ATAD2: variants seen among roughly 807,000 people sequenced by gnomAD.
The protein encoded by ATAD2 is ATPase family AAA domain containing 2, also known as ATPase family AAA domain-containing protein 2.
A neutral mutation model predicts 168.9 loss-of-function variants in ATAD2; 62 were observed. The ratio of observed to expected loss-of-function variants is 0.37; its 90% CI spans 0.30 to 0.45. The LOEUF is 0.45. Ranked by LOEUF, ATAD2 falls within the 20% of genes least tolerant of loss-of-function variation. The probability of loss-of-function intolerance (pLI) is 1.00; values close to 1 mark genes in which losing one functional copy is unlikely to be tolerated. For synonymous variants in ATAD2, 613 were observed against 571.6 expected, an observed-to-expected ratio of 1.07 and a Z score of -1.03; for missense variants, 1,419 against 1,667.8, an observed-to-expected ratio of 0.85 and a Z score of 2.60.
intron 1 of ATAD2, among the ~76,000 whole-genome samples, chr8:123,409,153 C>G (rs75668541): frequency 7.9e-5 from 12 of 152,074 alleles, no homozygotes; most frequent in Non-Finnish European, 1.8e-4. Flanking sequence ...GGTTTTCAGG[C>G]CTTACCTCTC....
intron 24 of ATAD2, 77 bp downstream of exon 24, chr8:123,333,801 A>C: frequency 7.0e-7 from 1 of 1,428,038 alleles, no homozygotes. Context: ...AAATAAAGGA[A>C]AATAAGGGAG....
chr8:123,398,780 A>G (rs1812960219), upstream of ATAD2, among the ~76,000 whole-genome samples: 1 of 152,218 alleles, frequency 6.6e-6, no homozygotes, highest in South Asian at 2.1e-4. Flanking sequence ...CTGGGATTAC[A>G]GGTGTGAGCC....
At chr8:123,336,113 A>G (rs1827906262) in intron 22 of ATAD2, among the ~76,000 whole-genome samples, 1 of 152,176 alleles carries the variant, frequency 6.6e-6, no homozygotes, top group Non-Finnish European at 1.5e-5. Context: ...AGGATCTATC[A>G]TGTAATTGTT....
At chr8:123,344,656 A>G in intron 19 of ATAD2, 2 of 475,574 alleles carry the variant, frequency 4.2e-6, no homozygotes, top group Admixed American at 3.4e-5. Context: ...ATATAATACC[A>G]TTTTTCAAGA....
intron 27 of ATAD2, 110 bp from the exon 28 acceptor site, chr8:123,321,285 T>C: frequency 1.1e-6 from 1 of 919,746 alleles, no homozygotes. Flanking sequence ...TATTCAGGTA[T>C]ATATTTGATA....
rs539503850 is a variant in ATAD2, at chr8:123,353,697, T to G, written c.1646+2692A>C. 2.0e-5 allele frequency among the ~76,000 whole-genome samples: 3 copies of G among 152,310 alleles called. No homozygotes were observed. The South Asian group carries it at 6.2e-4, about 32-fold the overall frequency. On this transcript the variant is annotated intron_variant, in intron 13 of 27. Transcript: ENST00000287394. ...TAGAGACCACACTCAGGGATGGACA[T>G]TAATTGCTACTGGATTGTGATTGCT...
chr8:123,343,117 T>G, intron 19 of ATAD2, among the ~76,000 whole-genome samples: 1 of 151,962 alleles, frequency 6.6e-6, no homozygotes, highest in East Asian at 1.9e-4. Context: ...CCCGAGTAAC[T>G]GGGATTACGG....
intron 1 of ATAD2, among the ~76,000 whole-genome samples, chr8:123,387,978 T>G (rs1326008659): frequency 1.3e-5 from 2 of 152,190 alleles, no homozygotes; most frequent in East Asian, 1.9e-4. Context: ...CAACAGTATA[T>G]TCTAATACAT....
intron 2 of ATAD2, among the ~76,000 whole-genome samples, chr8:123,378,772 T>C (rs1829402857): frequency 6.7e-6 from 1 of 149,710 alleles, no homozygotes; most frequent in African/African-American, 2.5e-5. Flanking sequence ...TCTAAGTCAT[T>C]ACAAATTGTT....
chr8:123,345,956 A>G, intron 18 of ATAD2, 130 bp downstream of exon 18: 2 of 670,626 alleles, frequency 3.0e-6, no homozygotes, highest in Non-Finnish European at 4.6e-6. Context: ...GCAATCATGC[A>G]TAACTCTGTT....
intron 8 of ATAD2, among the ~76,000 whole-genome samples, chr8:123,364,890 A>G (rs1828925989): frequency 6.6e-6 from 1 of 152,140 alleles, no homozygotes; most frequent in South Asian, 2.1e-4. Context: ...CACTCTCACC[A>G]CTTCTATTCA....
Position 123,346,175 on chromosome 8 carries a change from G to A in ATAD2, c.2443C>T (p.His815Tyr). 6.2e-7 allele frequency: 1 copy of A among 1,613,258 alleles called. No individual in the cohort carries two copies. Among genetic ancestry groups the A allele is most frequent in the Non-Finnish European group, 8.5e-7 (1 of 1,179,536 alleles). ...TATACAGTAAACTTTTCCAAAGCATGAATGACAGCTGGTGCCAAGTGAGAA... is the reference window on the plus strand; with the variant it reads ...TATACAGTAAACTTTTCCAAAGCATAAATGACAGCTGGTGCCAAGTGAGAA... ...QGSHLAPAVI[H>Y]ALEKFTVYTL... is the part of the protein sequence containing the mutation. The change falls in exon 18 of 28, where the codon CAT becomes TAT. Residue 815 changes from histidine to tyrosine, a missense_variant. His to Tyr is a moderately conservative substitution (Grantham distance 83, BLOSUM62 2). Transcript: ENST00000287394.
At chr8:123,352,224 G>C (rs1479772319) in intron 13 of ATAD2, 3 of 152,886 alleles carry the variant, frequency 2.0e-5, no homozygotes, top group Non-Finnish European at 4.4e-5. Flanking sequence ...CCCCCGGCAA[G>C]TGGGTCTGGC....
chr8:123,371,825 A>G lies in ATAD2; in HGVS notation c.381T>C (p.Ile127=), dbSNP rs142405170. ...KKEEHREDKV[I]PVTRSLRARN... ...TAGCCCTCAATGACCGAGTAACTGG[A>G]ATCACTTTGTCTTCACAAATGCATA... Residue 127 remains isoleucine (I), a synonymous_variant, in exon 4 of 28, where the codon ATT becomes ATC. Transcript: ENST00000287394. The G allele has an allele frequency of 5.6e-6, 9 of 1,598,824 alleles. No homozygotes were observed. The African/African-American group carries it at 1.2e-4, about 22-fold the overall frequency.
At chr8:123,337,081 G>T (rs564788519) in intron 21 of ATAD2, among the ~76,000 whole-genome samples, 4 of 151,532 alleles carry the variant, frequency 2.6e-5, no homozygotes, top group Non-Finnish European at 5.9e-5. Context: ...AAAAAGGGGG[G>T]GCCGAGCATG....
chr8:123,337,510 CA>C, intron 21 of ATAD2, 114 bp downstream of exon 21: 2 of 993,242 alleles, frequency 2.0e-6, no homozygotes, highest in Non-Finnish European at 2.8e-6. Context: ...TACATGTTTC[CA>C]AATAGATAAA....
chr8:123,413,179 A>G lies in ATAD2; in HGVS notation c.-2282+3069T>C, dbSNP rs374760596. ...ACACGACTGGCCTAATGGTATTTAC[A>G]CTGACCAACCCTTTGTAATTTTCAC... On this transcript the variant is annotated intron_variant, in intron 1 of 28. Transcript: ENST00000521903. Among the ~76,000 whole-genome samples, 234 of 150,610 alleles carry G rather than the reference A, an allele frequency of 1.6e-3. 1 individual carries two copies. Among genetic ancestry groups the G allele is most frequent in the African/African-American group, 5.5e-3 (227 of 41,004 alleles).
chr8:123,344,344 C>CTTTTTTTTTTTTTTTTTTTTTTTTTTTTT (rs764379399), intron 19 of ATAD2, among the ~76,000 whole-genome samples: 1 of 125,862 alleles, frequency 7.9e-6, no homozygotes, highest in Non-Finnish European at 1.7e-5. Flanking sequence ...TTTTTAAATA[C>CTTTTTTTTTTTTTTTTTTTTTTTTTTTTT]TTTTTTTTTT....
At chr8:123,343,803 G>A (rs1828144186) in intron 19 of ATAD2, among the ~76,000 whole-genome samples, 1 of 152,168 alleles carries the variant, frequency 6.6e-6, no homozygotes, top group African/African-American at 2.4e-5. Context: ...AAAAGAGTGT[G>A]ATGGGTGAAA....
Sources: gnomAD v4.1 joint callset for allele counts (sites outside exome capture counted in the v4.1 genomes callset) on GRCh38, gnomAD v4.1.1 for gene constraint, MANE v1.5 for transcripts, NCBI Gene and HGNC (gene_info 2026-07-23, HGNC 2026-07-21) for gene names.